The following TMC4 variants were observed in gnomAD, a reference collection of about 807,000 sequenced individuals.
TMC4 encodes the protein transmembrane channel like 4.
A neutral mutation model predicts 82.0 loss-of-function variants in TMC4; 70 were observed. The observed-to-expected ratio is 0.85, with a 90% CI of 0.70 to 1.04. The LOEUF is 1.04. TMC4 is among the 50% of genes least tolerant of loss of function. The pLI, the probability that TMC4 is intolerant of heterozygous loss-of-function variation, is 0.00. For missense variants in TMC4, 879 were observed against 899.0 expected (o/e 0.98, Z 0.28); for synonymous variants, 446 against 406.0 (o/e 1.10, Z -1.18).
In TMC4 at chr19:54,168,562, G is replaced by A. The variant is rs760792982; in HGVS notation, c.561C>T (p.Gly187=). 14 of 1,575,764 alleles carry A rather than the reference G, an allele frequency of 8.9e-6. No individual in the cohort carries two copies. In the Admixed American group the frequency reaches 2.0e-4, roughly 23 times the overall value. The change falls in exon 4 of 15, where the codon GGC becomes GGT. Residue 187 remains glycine (G), a synonymous_variant. Coordinates refer to ENST00000619895, the MANE Select transcript of TMC4 (RefSeq NM_144686.4). ...CGGGGCCGGGAGGGCCTGGGGGAGC[G>A]CCTCCCAACCAGGTGGGCAGCAGCG... ...CMTLLPTWLG[G]APPGPPGPDI... is the part of the protein sequence containing the mutation.
intron 10 of TMC4, 141 bp downstream of exon 10, chr19:54,162,532 G>GGGAGATCTGC: frequency 1.3e-6 from 1 of 759,464 alleles, no homozygotes; most frequent in Non-Finnish European, 2.2e-6. Context: ...GCGGGGAGCG[G>GGGAGATCTGC]GGAGATCTGC....
intron 9 of TMC4, 109 bp from the exon 10 acceptor site, chr19:54,162,879 C>A: frequency 6.6e-7 from 1 of 1,515,294 alleles, no homozygotes; most frequent in Non-Finnish European, 9.1e-7. Context: ...AATACTTTCT[C>A]TGGGGGTCCT....
chr19:54,165,349 C>G (rs1050980952), intron 6 of TMC4, 70 bp downstream of exon 6: 8 of 1,475,828 alleles, frequency 5.4e-6, no homozygotes, highest in Non-Finnish European at 7.3e-6. Flanking sequence ...CCGAGTTAGG[C>G]CCTGTGCGTT....
At chr19:54,162,395 G>A (rs1173390839) in intron 10 of TMC4, 110 bp from the exon 11 acceptor site, 10 of 804,734 alleles carry the variant, frequency 1.2e-5, no homozygotes, top group Non-Finnish European at 1.7e-5. Context: ...GTGGTGGGGG[G>A]GGGGGGGGCG....
Position 54,161,121 on chromosome 19 carries a change from C to G in TMC4, c.1817+9G>C, listed in dbSNP as rs377415468. On this transcript the variant is annotated intron_variant, in intron 12 of 14. Transcript: ENST00000619895. ...GGGAGGGAGAGAGGCGGGAGCCTCT[C>G]GCACTTACAGGAAGATGCTGTAAAG... is the stretch of plus-strand genomic sequence containing the variant. The G allele has an allele frequency of 2.6e-4, 412 of 1,584,686 alleles. No individual in the cohort carries two copies. The highest frequency in any genetic ancestry group is 3.4e-4 in the Non-Finnish European group (392 of 1,165,812).
In TMC4 at chr19:54,161,155, C is replaced by T; in HGVS notation, c.1792G>A (p.Val598Ile). Reference sequence around the variant, plus strand: ...AGGAAGATGCTGTAAAGCAGGGGAACGCTGGAGATGGCCAGACCCAGGAGA... The same window carrying T: ...AGGAAGATGCTGTAAAGCAGGGGAATGCTGGAGATGGCCAGACCCAGGAGA... ...VLLLGLAISS[V>I]PLLYSIFLIP... Residue 598 changes from valine (V) to isoleucine (I), a missense_variant, in exon 12 of 15, where the codon GTT becomes ATT. Coordinates refer to ENST00000619895, the MANE Select transcript of TMC4 (RefSeq NM_144686.4). The T allele has an allele frequency of 6.3e-7, 1 of 1,587,212 alleles. No individual in the cohort carries two copies. Among genetic ancestry groups the T allele is most frequent in the Non-Finnish European group, 8.6e-7 (1 of 1,168,852 alleles).
chr19:54,160,421 C>T, intron 14 of TMC4, 46 bp downstream of exon 14: 1 of 1,602,306 alleles, frequency 6.2e-7, no homozygotes, highest in Non-Finnish European at 8.5e-7. Context: ...TCCCCAACCC[C>T]TTTCCATGTT....
rs948872749 is a variant in TMC4, at chr19:54,171,747, C to T, written c.293+123G>A. The T allele has an allele frequency of 1.0e-4, 83 of 819,202 alleles. No individual in the cohort carries two copies. The Middle Eastern group carries it at 1.8e-3, about 18-fold the overall frequency. The allele number at this position is 819,202 out of a possible 1,614,324, so 50.7% of individuals were successfully genotyped here. On this transcript the variant is annotated intron_variant, in intron 2 of 14. Transcript: ENST00000619895. ...AGAAACCAAGAGAGGCAGCTCTGAG[C>T]GGGGCAGAGAGAGGCCCCAGAAGCC...
At chr19:54,162,529 G>A in intron 10 of TMC4, 144 bp downstream of exon 10, 1 of 749,960 alleles carries the variant, frequency 1.3e-6, no homozygotes, top group Non-Finnish European at 2.2e-6. Flanking sequence ...AGGGCGGGGA[G>A]CGGGGAGATC....
intron 2 of TMC4, among the ~76,000 whole-genome samples, chr19:54,170,990 T>A (rs1451496764): frequency 2.6e-5 from 4 of 151,656 alleles, no homozygotes; most frequent in African/African-American, 9.7e-5. Flanking sequence ...TTCACAGGCA[T>A]GATCCCACTA....
chr19:54,167,729 G>C (rs2075739394), intron 5 of TMC4, among the ~76,000 whole-genome samples: 1 of 150,372 alleles, frequency 6.7e-6, no homozygotes, highest in Non-Finnish European at 1.5e-5. Context: ...CCAAAACCTT[G>C]ATTTTAACTC....
chr19:54,160,836 A>G (rs1326886728), intron 13 of TMC4, 42 bp downstream of exon 13: 1 of 1,606,530 alleles, frequency 6.2e-7, no homozygotes, highest in African/African-American at 1.3e-5. Flanking sequence ...CCCCCAGATC[A>G]CACGCATTCA....
rs201969410 is a variant in TMC4, at chr19:54,165,458, G to A, written c.906C>T (p.His302=). 21 of 1,611,078 alleles carry A rather than the reference G, an allele frequency of 1.3e-5. No homozygotes were observed. Among genetic ancestry groups the A allele is most frequent in the East Asian group, 2.2e-5 (1 of 44,738 alleles). The stretch of plus-strand genomic sequence containing the variant: ...AGATGATGCGCTGGCGCAGCCGCAC[G>A]TGGACGTCCCCGCAGAGACCGAAGT... ...AWDFGLCGDV[H]VRLRQRIILY... is the part of the protein sequence containing the mutation. The change falls in exon 6 of 15, where the codon CAC becomes CAT. Residue 302 remains histidine (H), a synonymous_variant. Coordinates refer to ENST00000619895, the MANE Select transcript of TMC4 (RefSeq NM_144686.4).
intron 9 of TMC4, 46 bp from the exon 10 acceptor site, chr19:54,162,816 C>A: frequency 6.4e-7 from 1 of 1,572,618 alleles, no homozygotes; most frequent in Non-Finnish European, 8.7e-7. Context: ...GACCCGGGCA[C>A]CTGGAGGCCC....
Position 54,173,140 on chromosome 19 carries a change from A to T in TMC4, c.-23T>A. 6.2e-7 allele frequency: 1 copy of T among 1,611,052 alleles called. No homozygotes were observed. ...CATGGCCCCAGGCTGGGCTGTCTCT[A>T]GTGGCCACCAGGCAGACACTGCCCC... On this transcript the variant is annotated 5_prime_UTR_variant, in exon 1 of 15. Coordinates refer to ENST00000619895, the MANE Select transcript of TMC4 (RefSeq NM_144686.4).
Position 54,162,661 on chromosome 19 carries a change from C to T in TMC4, c.1502+12G>A, listed in dbSNP as rs993597818. 5 of 1,608,304 alleles carry T rather than the reference C, an allele frequency of 3.1e-6. No homozygotes were observed. Among genetic ancestry groups the T allele is most frequent in the African/African-American group, 2.7e-5 (2 of 74,760 alleles). On this transcript the variant is annotated intron_variant, in intron 10 of 14. Coordinates refer to ENST00000619895, the MANE Select transcript of TMC4 (RefSeq NM_144686.4). ...AGAGGGGCGGGGCCACAGCAAGGGG[C>T]GGGGCTCTCACTTTCTAGGAAACTG...
chr19:54,160,943 G>T lies in TMC4; in HGVS notation c.1908C>A (p.Thr636=). 1 of 1,614,172 alleles carries T rather than the reference G, an allele frequency of 6.2e-7. No individual in the cohort carries two copies. The highest frequency in any genetic ancestry group is 1.1e-5 in the South Asian group (1 of 91,082). ...CCAGGAAGAAGAGGAAATTCTGGGT[G>T]GTCTCAGGGAGGCTGGAAATAGACT... is the stretch of plus-strand genomic sequence containing the variant. The part of the protein sequence containing the change: ...IPESISSLPE[T]TQNFLFFLGT... Residue 636 remains threonine (T), a synonymous_variant, in exon 13 of 15, where the codon ACC becomes ACA. Coordinates refer to ENST00000619895, the MANE Select transcript of TMC4 (RefSeq NM_144686.4).
At position 54,173,117 on chromosome 19, in the gene TMC4, TG is replaced by T; in HGVS notation, c.-1del. 3.2e-6 allele frequency: 5 copies of T among 1,558,026 alleles called. No homozygotes were observed. The highest frequency in any genetic ancestry group is 4.3e-6 in the Non-Finnish European group (5 of 1,157,908). On this transcript the variant is annotated 5_prime_UTR_variant, in exon 1 of 15. Transcript: ENST00000619895. ...GATTCCAAGGTCGGGTTTTCTTCCA[TG>T]GCCCCAGGCTGGGCTGTCTCTAGTG... is the stretch of plus-strand genomic sequence containing the variant.
chr19:54,172,018 C>T lies in TMC4; in HGVS notation c.145G>A (p.Gly49Arg), dbSNP rs201205810. 88 of 1,613,444 alleles carry T rather than the reference C, an allele frequency of 5.5e-5. No individual in the cohort carries two copies. In the Middle Eastern group the frequency reaches 6.6e-4, roughly 12 times the overall value. The change falls in exon 2 of 15, where the codon GGG becomes AGG. Residue 49 changes from glycine (G) to arginine (R), a missense_variant. Coordinates refer to ENST00000619895, the MANE Select transcript of TMC4 (RefSeq NM_144686.4). ...SAATLRYRDPGVLPWGALEEE... is the reference protein window; with the variant it reads ...SAATLRYRDPRVLPWGALEEE... Reference sequence around the variant, plus strand: ...TCCAGCGCCCCCCAAGGCAGCACCCCAGGGTCTCGGTACCGAAGGGTGGCA... The same window carrying T: ...TCCAGCGCCCCCCAAGGCAGCACCCTAGGGTCTCGGTACCGAAGGGTGGCA...
Sources: allele counts gnomAD v4.1 joint callset (sites outside exome capture counted in the v4.1 genomes callset), GRCh38; gene constraint gnomAD v4.1.1; transcripts MANE v1.5; gene names NCBI Gene and HGNC (gene_info 2026-07-23, HGNC 2026-07-21).